DZANK1: variants seen among roughly 807,000 people sequenced by gnomAD.
DZANK1 encodes double zinc ribbon and ankyrin repeat-containing protein 1.
DZANK1 carries 91 observed loss-of-function variants against 94.5 expected under a neutral mutation model. The observed-to-expected ratio is 0.96, with a 90% CI of 0.81 to 1.15. The LOEUF (loss-of-function observed/expected upper bound fraction) is 1.15, where lower values mean the gene tolerates loss of function less well. Among genes scored for constraint, DZANK1 ranks in the 50% most tolerant of loss-of-function variants. The pLI is 0.00. For missense variants in DZANK1, 903 were observed against 916.4 expected, an observed-to-expected ratio of 0.99 and a Z score of 0.19; for synonymous variants, 312 against 325.3, an observed-to-expected ratio of 0.96 and a Z score of 0.44.
chr20:18,394,285 A>G lies in DZANK1; in HGVS notation c.1677T>C (p.Asp559=), dbSNP rs201684451. The change falls in exon 16 of 21, where the codon GAT becomes GAC. Residue 559 remains aspartate, a synonymous_variant. Coordinates refer to ENST00000262547, the Ensembl canonical transcript of DZANK1. ...TGGACCTGCTGCCGCACAGCCCCCC[A>G]TCACCCTCGGCAGCACTGCTCAGAA... is the stretch of plus-strand genomic sequence containing the variant. 1.3e-3 allele frequency: 2,047 copies of G among 1,613,694 alleles called. 36 individuals carry two copies. The highest frequency in any genetic ancestry group is 2.5e-3 in the Admixed American group (149 of 60,008).
chr20:18,430,087 A>G (rs1307336377), intron 9 of DZANK1, among the ~76,000 whole-genome samples: 1 of 152,214 alleles, frequency 6.6e-6, no homozygotes, highest in African/African-American at 2.4e-5. Context: ...TTTTCCTTTT[A>G]AAATAGTTGG....
chr20:18,460,817 A>G (rs2059449374), intron 2 of DZANK1, among the ~76,000 whole-genome samples: 1 of 152,246 alleles, frequency 6.6e-6, no homozygotes, highest in Non-Finnish European at 1.5e-5. Context: ...ATGGAAATGA[A>G]TAGTAATAGC....
intron 9 of DZANK1, chr20:18,428,587 A>G (rs1027506357): frequency 6.6e-6 from 1 of 152,236 alleles, no homozygotes; most frequent in Non-Finnish European, 1.5e-5. Context: ...GAGTTCAGCT[A>G]TCAGAGGTTT....
At chr20:18,425,075 C>T (rs920971604) in intron 10 of DZANK1, among the ~76,000 whole-genome samples, 4 of 152,134 alleles carry the variant, frequency 2.6e-5, no homozygotes, top group African/African-American at 4.8e-5. Flanking sequence ...GTAAATAGAA[C>T]TGTTAAATAT....
chr20:18,389,017 G>A (rs908405659), intron 19 of DZANK1, among the ~76,000 whole-genome samples: 4 of 152,166 alleles, frequency 2.6e-5, no homozygotes, highest in Admixed American at 6.5e-5. Flanking sequence ...TTTCAACAAC[G>A]TAGTCGGCAA....
At chr20:18,426,622 A>G (rs1239250172) in intron 10 of DZANK1, among the ~76,000 whole-genome samples, 1 of 152,212 alleles carries the variant, frequency 6.6e-6, no homozygotes, top group African/African-American at 2.4e-5. Context: ...TCCCTTCAAC[A>G]TTCAAAATAG....
chr20:18,453,553 T>G (rs547185567), intron 5 of DZANK1, among the ~76,000 whole-genome samples, 178 bp downstream of exon 5: 2 of 152,310 alleles, frequency 1.3e-5, no homozygotes, highest in Admixed American at 1.3e-4. Flanking sequence ...TGATCCTCCT[T>G]CATGATCTTA....
At chr20:18,412,588 C>CT in intron 13 of DZANK1, 58 bp downstream of exon 13, 1 of 1,512,038 alleles carries the variant, frequency 6.6e-7, no homozygotes, top group Non-Finnish European at 9.2e-7. Context: ...ATGAAATGTT[C>CT]TTTCACAGAA....
intron 13 of DZANK1, among the ~76,000 whole-genome samples, chr20:18,402,446 G>A (rs1042443137): frequency 1.2e-4 from 18 of 152,048 alleles, no homozygotes; most frequent in African/African-American, 4.1e-4. Flanking sequence ...CAATGGATAA[G>A]GGAATGCCTC....
intron 15 of DZANK1, among the ~76,000 whole-genome samples, chr20:18,396,221 A>G (rs2056331083): frequency 6.6e-6 from 1 of 152,372 alleles, no homozygotes; most frequent in East Asian, 1.9e-4. Context: ...TATCACAGAC[A>G]TGCCATCAGA....
In DZANK1 at chr20:18,441,561, G is replaced by A. The variant is rs930284973; in HGVS notation, c.747+1786C>T. Among the ~76,000 whole-genome samples, 3 of 152,156 alleles carry A rather than the reference G, an allele frequency of 2.0e-5. No homozygotes were observed. The highest frequency in any genetic ancestry group is 1.9e-4 in the East Asian group (1 of 5,192). ...ACCTCTGTGGCTGAGACAGAGAACC[G>A]AAGGAGGATCAAATTTGGAAGAGGC... On this transcript the variant is annotated intron_variant, in intron 8 of 20. Transcript: ENST00000262547. The surrounding 1 kb of genome is among the most constrained non-coding windows in gnomAD (Gnocchi z 4.1).
intron 6 of DZANK1, among the ~76,000 whole-genome samples, chr20:18,450,177 G>A (rs1389527358): frequency 6.6e-6 from 1 of 152,138 alleles, no homozygotes; most frequent in South Asian, 2.1e-4. Context: ...AAACTCAAAG[G>A]TCTGAACTTA....
chr20:18,447,445 A>C (rs965484699), intron 7 of DZANK1, among the ~76,000 whole-genome samples: 6 of 152,080 alleles, frequency 3.9e-5, no homozygotes, highest in Admixed American at 2.0e-4. Flanking sequence ...CCTCAGCTGG[A>C]GATCCCAAGT....
At chr20:18,446,399 G>T (rs2148707582) in intron 7 of DZANK1, among the ~76,000 whole-genome samples, 1 of 152,270 alleles carries the variant, frequency 6.6e-6, no homozygotes, top group African/African-American at 2.4e-5. Flanking sequence ...CTAACCCATT[G>T]CCCTCCCTAC....
chr20:18,412,934 A>G, intron 12 of DZANK1, 81 bp from the exon 13 acceptor site: 1 of 1,275,094 alleles, frequency 7.8e-7, no homozygotes, highest in Non-Finnish European at 1.1e-6. Context: ...AAACAACTCT[A>G]ATCAGAATAA....
At chr20:18,446,493 A>G (rs1395992063) in intron 7 of DZANK1, among the ~76,000 whole-genome samples, 1 of 152,370 alleles carries the variant, frequency 6.6e-6, no homozygotes, top group East Asian at 1.9e-4. Flanking sequence ...TGCAAGTAAA[A>G]CAGTATTCAG....
chr20:18,465,146 G>C, intron 2 of DZANK1, 104 bp downstream of exon 2: 2 of 748,158 alleles, frequency 2.7e-6, no homozygotes, highest in East Asian at 5.8e-5. Context: ...CCAAAAAGCT[G>C]AGCAAAGAGT....
chr20:18,452,806 T>G, intron 5 of DZANK1, 67 bp from the exon 6 acceptor site: 1 of 1,457,308 alleles, frequency 6.9e-7, no homozygotes, highest in South Asian at 1.4e-5. Flanking sequence ...CAAAGATATC[T>G]TCACAGCGGG....
At chr20:18,394,278 G>A in exon 16 of DZANK1, 1 of 1,613,616 alleles carries the variant, frequency 6.2e-7, no homozygotes, top group Middle Eastern at 1.6e-4. Flanking sequence ...CTGCCGCACA[G>A]CCCCCCATCA....
Sources: allele counts gnomAD v4.1 joint callset (sites outside exome capture counted in the v4.1 genomes callset), GRCh38; gene constraint gnomAD v4.1.1; non-coding constraint Gnocchi (gnomAD v3.1); transcripts MANE v1.5; gene names NCBI Gene and HGNC (gene_info 2026-07-23, HGNC 2026-07-21).